The following KLHL15 variants were observed in gnomAD, a reference collection of about 807,000 sequenced individuals.
KLHL15 encodes the protein kelch like family member 15.
KLHL15 carries 1 observed loss-of-function variant against 29.3 expected under a neutral mutation model. The observed-to-expected ratio is 0.03, with a 90% CI of 0.01 to 0.16. The LOEUF is 0.16. Ranked by LOEUF, KLHL15 falls within the 10% of genes least tolerant of loss-of-function variation. KLHL15 has a pLI of 1.00. For missense variants in KLHL15, 215 were observed against 478.5 expected (o/e 0.45, Z 5.14); for synonymous variants, 212 against 184.5 (o/e 1.15, Z -1.21).
chrX:24,020,199 A>G (rs888013761), intron 2 of KLHL15, among the ~76,000 whole-genome samples: 2 of 112,468 alleles, frequency 1.8e-5, no homozygotes, highest in Admixed American at 9.4e-5. Context: ...GAGTCATAAC[A>G]TTTCTCACTT....
At chrX:24,020,373 T>C (rs1202732630) in intron 2 of KLHL15, among the ~76,000 whole-genome samples, 1 of 112,198 alleles carries the variant, frequency 8.9e-6, no homozygotes, top group Non-Finnish European at 1.9e-5. Context: ...CTCACTTTAA[T>C]ATGGGAGGAG....
intron 3 of KLHL15, among the ~76,000 whole-genome samples, chrX:23,991,602 C>T (rs908901802): frequency 1.3e-4 from 14 of 111,543 alleles, no homozygotes; most frequent in African/African-American, 4.6e-4. Context: ...AGCACTTTGA[C>T]AGGCCGAGGC....
intron 3 of KLHL15, among the ~76,000 whole-genome samples, chrX:24,002,231 ATT>A: frequency 8.9e-6 from 1 of 112,647 alleles, no homozygotes; most frequent in East Asian, 2.8e-4. Context: ...TAAAACAATC[ATT>A]GTTTTTTAAA....
Position 24,006,149 on chromosome X carries a change from G to A in KLHL15, c.545C>T (p.Ser182Phe). ...GCTCAGATGATCATTATCCAAGTAAGACATGAGCTTCTCAAAGCTCAGATA... is the reference window on the plus strand; with the variant it reads ...GCTCAGATGATCATTATCCAAGTAAAACATGAGCTTCTCAAAGCTCAGATA... ...LSYLSFEKLM[S>F]YLDNDHLSRF... Residue 182 changes from serine (S) to phenylalanine (F), a missense_variant, in exon 3 of 4, where the codon TCT (serine) becomes TTT (phenylalanine). Transcript: ENST00000328046. The A allele has an allele frequency of 1.7e-6, 2 of 1,211,590 alleles. No individual in the cohort carries two copies. The highest frequency in any genetic ancestry group is 2.2e-6 in the Non-Finnish European group (2 of 895,418).
At chrX:24,019,832 C>T (rs1402076666) in intron 2 of KLHL15, among the ~76,000 whole-genome samples, 1 of 112,089 alleles carries the variant, frequency 8.9e-6, no homozygotes, top group Non-Finnish European at 1.9e-5. Context: ...AAATTAAATG[C>T]TTCCTTTTCA....
chrX:24,015,764 C>T (rs1042101788), intron 2 of KLHL15, among the ~76,000 whole-genome samples: 1 of 112,224 alleles, frequency 8.9e-6, no homozygotes, highest in African/African-American at 3.2e-5. Context: ...TCTGGGAGGC[C>T]GAGGTGGGCA....
At chrX:24,010,809 C>G in intron 2 of KLHL15, among the ~76,000 whole-genome samples, 1 of 111,388 alleles carries the variant, frequency 9.0e-6, no homozygotes, top group East Asian at 2.8e-4. Flanking sequence ...GTCACTTGCT[C>G]TACACCTCCT....
At chrX:24,001,802 CAAAAAAAAA>C (rs766669649) in intron 3 of KLHL15, among the ~76,000 whole-genome samples, 5 of 22,656 alleles carry the variant, frequency 2.2e-4, no homozygotes, top group Admixed American at 7.4e-4. Flanking sequence ...AGACTTGACT[CAAAAAAAAA>C]AAAAAAAAAA....
chrX:24,003,177 G>T (rs764123769), intron 3 of KLHL15, among the ~76,000 whole-genome samples: 1 of 111,873 alleles, frequency 8.9e-6, no homozygotes, highest in Non-Finnish European at 1.9e-5. Context: ...TTTCAGTCTG[G>T]ACAGTGCCAC....
chrX:24,014,610 A>C (rs1445641112), intron 2 of KLHL15, among the ~76,000 whole-genome samples: 1 of 111,662 alleles, frequency 9.0e-6, no homozygotes, highest in African/African-American at 3.3e-5. Context: ...TGGGGGAAAA[A>C]AGAGGAGGAG....
Position 24,013,227 on chromosome X carries a change from A to G in KLHL15, c.-7-6527T>C, listed in dbSNP as rs139276095. 9.3e-3 allele frequency among the ~76,000 whole-genome samples: 1,028 copies of G among 110,201 alleles called. 16 individuals carry two copies. Among genetic ancestry groups the G allele is most frequent in the African/African-American group, 0.032 (960 of 30,286 alleles). ...GGGCTCAAGCAATCCTCCTACCTCA[A>G]TCTCCTGAGTAGGCACACCACTGCA... On this transcript the variant is annotated intron_variant, in intron 2 of 3. Coordinates refer to ENST00000328046, the MANE Select transcript of KLHL15 (RefSeq NM_030624.3).
At chrX:24,014,448 A>C (rs1051015809) in intron 2 of KLHL15, among the ~76,000 whole-genome samples, 5 of 111,634 alleles carry the variant, frequency 4.5e-5, no homozygotes, top group African/African-American at 1.6e-4. Context: ...TAAAACAGCT[A>C]ATATTCACGT....
rs916948059 is a variant in KLHL15 at position 23,997,192 on chromosome X, T to C, written c.706-8162A>G. 1.4e-4 allele frequency among the ~76,000 whole-genome samples: 16 copies of C among 112,617 alleles called. 1 individual carries two copies. The highest frequency in any genetic ancestry group is 8.4e-3 in the Middle Eastern group (2 of 238). ...AAGTTCTCTATCCCTTCAACCCTTT[T>C]AGAGAGTAAAAAATACTTAAAGAAT... On this transcript the variant is annotated intron_variant, in intron 3 of 3. Transcript: ENST00000328046.
chrX:23,999,868 G>C (rs1929276973), intron 3 of KLHL15, among the ~76,000 whole-genome samples: 1 of 112,184 alleles, frequency 8.9e-6, no homozygotes, highest in Non-Finnish European at 1.9e-5. Context: ...GATTTCGAAA[G>C]AACTGCACAT....
intron 2 of KLHL15, among the ~76,000 whole-genome samples, chrX:24,018,773 G>A (rs953620279): frequency 2.5e-4 from 28 of 111,354 alleles, no homozygotes; most frequent in African/African-American, 7.8e-4. Flanking sequence ...AGGTAGAGGT[G>A]GGCTGATCAC....
intron 3 of KLHL15, among the ~76,000 whole-genome samples, chrX:23,991,608 G>A (rs1200800879): frequency 9.0e-6 from 1 of 111,608 alleles, no homozygotes; most frequent in Non-Finnish European, 1.9e-5. Flanking sequence ...TTGACAGGCC[G>A]AGGCAGGCGG....
At chrX:24,010,586 A>G (rs1054091488) in intron 2 of KLHL15, among the ~76,000 whole-genome samples, 1 of 112,166 alleles carries the variant, frequency 8.9e-6, no homozygotes, top group African/African-American at 3.2e-5. Context: ...CATGACTTGG[A>G]ATCATATGTT....
chrX:24,021,861 C>G (rs1333393809), intron 2 of KLHL15, among the ~76,000 whole-genome samples: 1 of 110,813 alleles, frequency 9.0e-6, no homozygotes, highest in Non-Finnish European at 1.9e-5. Flanking sequence ...CTATAGCACT[C>G]CAATTCAGAG....
chrX:24,025,381 C>A (rs753957906), intron 1 of KLHL15, among the ~76,000 whole-genome samples: 16 of 105,905 alleles, frequency 1.5e-4, no homozygotes, highest in African/African-American at 4.4e-4. Context: ...TGCGGGGCCA[C>A]GAGCCGGGGG....
Sources: gnomAD v4.1 joint callset for allele counts (sites outside exome capture counted in the v4.1 genomes callset) on GRCh38, gnomAD v4.1.1 for gene constraint, MANE v1.5 for transcripts, NCBI Gene and HGNC (gene_info 2026-07-23, HGNC 2026-07-21) for gene names.